JPH3: variants seen among roughly 807,000 people sequenced by gnomAD.
JPH3 encodes junctophilin-3.
In JPH3, 11 loss-of-function variants were observed where a neutral mutation model predicts 59.6. The observed-to-expected ratio is 0.18, with a 90% CI of 0.12 to 0.31. The LOEUF is 0.31. Ranked by LOEUF, JPH3 falls within the 10% of genes least tolerant of loss-of-function variation. The probability of loss-of-function intolerance (pLI) is 1.00; values close to 1 mark genes in which losing one functional copy is unlikely to be tolerated. For synonymous variants in JPH3, 673 were observed against 483.6 expected, an observed-to-expected ratio of 1.39 and a Z score of -5.14; for missense variants, 1,202 against 1,105.7, an observed-to-expected ratio of 1.09 and a Z score of -1.24.
intron 2 of JPH3, among the ~76,000 whole-genome samples, chr16:87,679,390 C>G (rs988555076): frequency 5.3e-5 from 8 of 152,220 alleles, no homozygotes; most frequent in African/African-American, 1.2e-4. Flanking sequence ...ACAACCCAGC[C>G]TGGGTCAGGT....
intron 2 of JPH3, among the ~76,000 whole-genome samples, chr16:87,668,411 G>C (rs1271031904): frequency 6.6e-6 from 1 of 152,150 alleles, no homozygotes; most frequent in African/African-American, 2.4e-5. Flanking sequence ...TTCAAATCCT[G>C]GCCCTACTCA....
chr16:87,657,938 G>T (rs1012709129), intron 2 of JPH3, among the ~76,000 whole-genome samples: 8 of 152,196 alleles, frequency 5.3e-5, no homozygotes, highest in Non-Finnish European at 1.2e-4. Context: ...GCCAGGGGAT[G>T]GACAGCTGTC....
chr16:87,604,404 C>T (rs1445385621), intron 1 of JPH3: 5 of 1,415,172 alleles, frequency 3.5e-6, no homozygotes, highest in East Asian at 3.8e-5. Flanking sequence ...GATATCCACT[C>T]CTCAGTGCAC....
chr16:87,661,930 G>A (rs1444688322), intron 2 of JPH3, among the ~76,000 whole-genome samples: 1 of 152,226 alleles, frequency 6.6e-6, no homozygotes, highest in South Asian at 2.1e-4. Context: ...GGGCACGTAC[G>A]CCACCACTAC....
At position 87,689,876 on chromosome 16, in the gene JPH3, T is replaced by A. The variant is rs574469558; in HGVS notation, c.1516T>A (p.Ser506Thr). 4 of 1,488,056 alleles carry A rather than the reference T, an allele frequency of 2.7e-6. No individual in the cohort carries two copies. The African/African-American group carries it at 5.6e-5, about 21-fold the overall frequency. The allele number at this position is 1,488,056 out of a possible 1,614,324, so 92.2% of individuals were successfully genotyped here. A position where few individuals can be genotyped will look rare whatever the true frequency, so the allele number is the denominator to read the frequency against. Residue 506 changes from serine to threonine, a missense_variant, in exon 4 of 5, where the codon TCG becomes ACG. Ser to Thr is a moderately conservative substitution (Grantham distance 58, BLOSUM62 1). Coordinates refer to ENST00000284262, the MANE Select transcript of JPH3 (RefSeq NM_020655.4). ...GGTCGCCCACTTCTCGAGGCAGGTG[T>A]CGGTGGACGAGGAGCGGGGCGGGGA... Reference protein sequence around the residue: ...NKVAHFSRQVSVDEERGGDIQ... With the variant: ...NKVAHFSRQVTVDEERGGDIQ...
intron 1 of JPH3, among the ~76,000 whole-genome samples, chr16:87,624,811 T>C (rs2031311178): frequency 6.6e-6 from 1 of 152,094 alleles, no homozygotes; most frequent in African/African-American, 2.4e-5. Flanking sequence ...TTTCATTTTA[T>C]TTTTTGAGAC....
intron 4 of JPH3, among the ~76,000 whole-genome samples, chr16:87,690,817 G>C (rs760592203): frequency 6.6e-6 from 1 of 152,230 alleles, no homozygotes; most frequent in African/African-American, 2.4e-5. Context: ...TGCGCTCCCC[G>C]CAACGTGCTC....
intron 3 of JPH3, among the ~76,000 whole-genome samples, chr16:87,688,065 A>C (rs2033461413): frequency 6.6e-6 from 1 of 151,956 alleles, no homozygotes; most frequent in Non-Finnish European, 1.5e-5. Flanking sequence ...GGGTACGTGG[A>C]TGTCAGCACA....
At chr16:87,675,495 C>G (rs12448169) in intron 2 of JPH3, among the ~76,000 whole-genome samples, 1 of 152,104 alleles carries the variant, frequency 6.6e-6, no homozygotes, top group Non-Finnish European at 1.5e-5. Context: ...ACCAGGTAAG[C>G]GGGCAGATGA....
intron 1 of JPH3, chr16:87,604,466 G>A (rs1446824191): frequency 7.3e-7 from 1 of 1,365,426 alleles, no homozygotes; most frequent in Non-Finnish European, 9.6e-7. Context: ...CAAACAAACT[G>A]GCTTCCCCGA....
intron 2 of JPH3, among the ~76,000 whole-genome samples, chr16:87,657,716 C>T (rs745755274): frequency 7.9e-5 from 12 of 152,178 alleles, no homozygotes; most frequent in Non-Finnish European, 1.3e-4. Context: ...CCTAGCTTAC[C>T]CCCATGACCA....
chr16:87,658,266 GT>G (rs2032574203), intron 2 of JPH3, among the ~76,000 whole-genome samples: 2 of 152,146 alleles, frequency 1.3e-5, no homozygotes, highest in African/African-American at 4.8e-5. Context: ...CAGCTCAGGC[GT>G]CCCGGCAGGG....
chr16:87,635,779 A>T (rs1386620148), intron 1 of JPH3, among the ~76,000 whole-genome samples: 1 of 151,596 alleles, frequency 6.6e-6, no homozygotes, highest in African/African-American at 2.4e-5. Context: ...GGGTCCACCC[A>T]CGTCTTCCGA....
In JPH3 at chr16:87,667,284, A is replaced by G. The variant is rs572286108; in HGVS notation, c.1161-16858A>G. On this transcript the variant is annotated intron_variant, in intron 2 of 4. Transcript: ENST00000284262. Reference sequence around the variant, plus strand: ...TTCTCAAGAGCCGTACCTTGATCTCATCTGCAGAGATGCTTTTCCCGACGT... The same window carrying G: ...TTCTCAAGAGCCGTACCTTGATCTCGTCTGCAGAGATGCTTTTCCCGACGT... Among the ~76,000 whole-genome samples, 4 of 152,292 alleles carry G rather than the reference A, an allele frequency of 2.6e-5. No homozygotes were observed. In the South Asian group the frequency reaches 8.3e-4, roughly 32 times the overall value.
chr16:87,688,354 G>C (rs2033468260), intron 3 of JPH3, among the ~76,000 whole-genome samples: 1 of 152,242 alleles, frequency 6.6e-6, no homozygotes, highest in African/African-American at 2.4e-5. Flanking sequence ...GCCCAGCCTG[G>C]TGGCGTCGCA....
chr16:87,640,129 C>T (rs1385745602), intron 1 of JPH3, among the ~76,000 whole-genome samples: 1 of 152,058 alleles, frequency 6.6e-6, no homozygotes. Context: ...GAGATTGAGA[C>T]CATCCTGGCC....
At position 87,677,225 on chromosome 16, in the gene JPH3, C is replaced by CACACACACAAA. The variant is rs1271128667; in HGVS notation, c.1161-6916_1161-6915insCACACACAAAA. Among the ~76,000 whole-genome samples, 100 of 81,700 alleles carry CACACACACAAA rather than the reference C, an allele frequency of 1.2e-3. 1 individual carries two copies. The highest frequency in any genetic ancestry group is 4.0e-3 in the African/African-American group (94 of 23,256). 53.6% of individuals were successfully genotyped at this position (81,700 alleles called of 152,430 possible). A position where few individuals can be genotyped will look rare whatever the true frequency, so the allele number is the denominator to read the frequency against. On this transcript the variant is annotated intron_variant, in intron 2 of 4. Coordinates refer to ENST00000284262, the MANE Select transcript of JPH3 (RefSeq NM_020655.4). ...ACACACACACACACACACACACACA[C>CACACACACAAA]AAAAAAAAAAATTAGCCGGGTGTGG... is the stretch of plus-strand genomic sequence containing the variant.
At chr16:87,626,300 T>G (rs993486775) in intron 1 of JPH3, among the ~76,000 whole-genome samples, 6 of 152,178 alleles carry the variant, frequency 3.9e-5, no homozygotes, top group African/African-American at 1.2e-4. Flanking sequence ...CGCACAGTTA[T>G]CACCATGGAG....
chr16:87,658,679 G>A (rs1283688036), intron 2 of JPH3, among the ~76,000 whole-genome samples: 1 of 152,174 alleles, frequency 6.6e-6, no homozygotes, highest in African/African-American at 2.4e-5. Flanking sequence ...TAAAGCAGGA[G>A]GCCCCAGCAG....
Sources: allele counts gnomAD v4.1 joint callset (sites outside exome capture counted in the v4.1 genomes callset), GRCh38; gene constraint gnomAD v4.1.1; transcripts MANE v1.5; gene names NCBI Gene and HGNC (gene_info 2026-07-23, HGNC 2026-07-21).